The following NOTCH1 variants were observed in gnomAD, a reference collection of about 807,000 sequenced individuals.
NOTCH1 encodes notch receptor 1.
Under a neutral mutation model 254.8 loss-of-function variants are expected in NOTCH1, and 37 were observed. The observed-to-expected ratio is 0.15, with a 90% CI of 0.11 to 0.19. NOTCH1 has a LOEUF of 0.19. Ranked by LOEUF, NOTCH1 falls within the 10% of genes least tolerant of loss-of-function variation. NOTCH1 has a pLI of 1.00. For synonymous variants in NOTCH1, 1,731 were observed against 1,618.1 expected, an observed-to-expected ratio of 1.07 and a Z score of -1.68; for missense variants, 2,972 against 3,708.6, an observed-to-expected ratio of 0.80 and a Z score of 5.16.
intron 2 of NOTCH1, among the ~76,000 whole-genome samples, chr9:136,533,660 G>T (rs1023871754): frequency 6.6e-6 from 1 of 152,226 alleles, no homozygotes; most frequent in South Asian, 2.1e-4. Context: ...CCGCAGGGTC[G>T]AGGGCAGGAC....
intron 2 of NOTCH1, among the ~76,000 whole-genome samples, chr9:136,530,458 C>T (rs544467543): frequency 1.3e-5 from 2 of 152,324 alleles, no homozygotes; most frequent in South Asian, 2.1e-4. Context: ...TGCATCTGAC[C>T]GACAGAAGGC....
Position 136,513,567 on chromosome 9 carries a change from G to A in NOTCH1, c.2208-30C>T, listed in dbSNP as rs1843216887. The A allele has an allele frequency of 1.9e-6, 3 of 1,612,258 alleles. No homozygotes were observed. Among genetic ancestry groups the A allele is most frequent in the Non-Finnish European group, 2.5e-6 (3 of 1,179,786 alleles). ...AAGGGGGACCACACTGCAGGTCGAG[G>A]GAGGCCCGAGCAGCACGGCCGGGGC... On this transcript the variant is annotated intron_variant, in intron 13 of 33. Transcript: ENST00000651671. This position sits in a 1 kb window ranked among gnomAD's most constrained non-coding sequence, Gnocchi z 4.7.
chr9:136,524,263 G>A (rs925249244), intron 2 of NOTCH1, among the ~76,000 whole-genome samples: 3 of 152,264 alleles, frequency 2.0e-5, no homozygotes, highest in African/African-American at 7.2e-5. Context: ...CCGAGATCAC[G>A]CCACTGCACT....
chr9:136,502,166 C>T (rs1207364115), intron 28 of NOTCH1, 78 bp from the exon 29 acceptor site: 11 of 1,589,838 alleles, frequency 6.9e-6, no homozygotes, highest in African/African-American at 4.0e-5. Context: ...CCGGGCCTGG[C>T]GTGGGAGGTG....
chr9:136,541,167 C>T (rs1159873989), intron 2 of NOTCH1, among the ~76,000 whole-genome samples: 5 of 152,182 alleles, frequency 3.3e-5, no homozygotes, highest in African/African-American at 9.7e-5. Flanking sequence ...ATCCTCCGCC[C>T]ACCAGCATGT....
Position 136,496,696 on chromosome 9 carries a change from C to T in NOTCH1, c.7043G>A (p.Gly2348Asp), listed in dbSNP as rs1842920681. 1 of 1,612,808 alleles carries T rather than the reference C, an allele frequency of 6.2e-7. No individual in the cohort carries two copies. The highest frequency in any genetic ancestry group is 8.5e-7 in the Non-Finnish European group (1 of 1,179,954). Residue 2348 changes from glycine (G) to aspartate (D), a missense_variant, in exon 34 of 34, where the codon GGC (glycine) becomes GAC (aspartate). This residue lies in a region of NOTCH1 where 529 missense variants were observed against 529.2 expected (regional missense o/e 1.00). Coordinates refer to ENST00000651671, the MANE Select transcript of NOTCH1 (RefSeq NM_017617.5). ...QAPSLQHGMV[G>D]PLHSSLAASA... ...GGCAGCAAGGCTACTGTGCAGCGGG[C>T]CTACCATGCCATGCTGCAGGGAGGG...
rs2133372664 is a variant in NOTCH1 at position 136,519,459 on chromosome 9, G to A, written c.849C>T (p.Cys283=). ...TATACGCGCCTGTCCACTCTGGCGG[G>A]CAGCGGCAGTTGTAGGTGTTCACGC... The part of the protein sequence containing the change: ...VDGVNTYNCR[C]PPEWTGQYCT... The change falls in exon 5 of 34, where the codon TGC becomes TGT. Residue 283 remains cysteine, a synonymous_variant. Coordinates refer to ENST00000651671, the MANE Select transcript of NOTCH1 (RefSeq NM_017617.5). The A allele has an allele frequency of 6.2e-7, 1 of 1,612,902 alleles. No individual in the cohort carries two copies. Among genetic ancestry groups the A allele is most frequent in the Non-Finnish European group, 8.5e-7 (1 of 1,179,934 alleles).
chr9:136,515,673 G>C lies in NOTCH1; in HGVS notation c.1713C>G (p.Asp571Glu), dbSNP rs1017787746. 1 of 1,566,064 alleles carries C rather than the reference G, an allele frequency of 6.4e-7. No individual in the cohort carries two copies. ...AGGAGCCGTAGTGGCAGGGGTCGGGGTCGCACTCATCGATGTCCACCTCGC... is the reference window on the plus strand; with the variant it reads ...AGGAGCCGTAGTGGCAGGGGTCGGGCTCGCACTCATCGATGTCCACCTCGC... ...THCEVDIDEC[D>E]PDPCHYGSCK... Residue 571 changes from aspartate to glutamate, a missense_variant, in exon 11 of 34, where the codon GAC becomes GAG. By Grantham distance (45) the Asp-to-Glu change is conservative (BLOSUM62 2). Coordinates refer to ENST00000651671, the MANE Select transcript of NOTCH1 (RefSeq NM_017617.5).
chr9:136,497,867 G>T (rs1382775636), intron 33 of NOTCH1, among the ~76,000 whole-genome samples: 1 of 152,172 alleles, frequency 6.6e-6, no homozygotes, highest in Non-Finnish European at 1.5e-5. Context: ...CCAACTGCAG[G>T]CCCTCTTCCC....
chr9:136,503,962 T>G (rs1041146999), intron 26 of NOTCH1, among the ~76,000 whole-genome samples: 16 of 152,146 alleles, frequency 1.1e-4, no homozygotes, highest in African/African-American at 2.9e-4. Flanking sequence ...CCTTGTGGGG[T>G]GCCCCCTGCA....
chr9:136,533,495 G>T (rs746778664), intron 2 of NOTCH1, among the ~76,000 whole-genome samples: 1 of 152,234 alleles, frequency 6.6e-6, no homozygotes, highest in African/African-American at 2.4e-5. Flanking sequence ...TCTGTCCCCC[G>T]GCTGCGGGGA....
intron 2 of NOTCH1, chr9:136,543,643 G>A (rs1018277870): frequency 1.0e-5 from 4 of 401,716 alleles, no homozygotes; most frequent in African/African-American, 6.2e-5. Context: ...CCCGCCCAGA[G>A]GAGGCGCCCC....
At chr9:136,503,554 C>CCA (rs1489690555) in intron 26 of NOTCH1, among the ~76,000 whole-genome samples, 3 of 152,204 alleles carry the variant, frequency 2.0e-5, no homozygotes, top group Non-Finnish European at 4.4e-5. Flanking sequence ...TCCCAGATAC[C>CCA]CACCAACGCG....
intron 4 of NOTCH1, among the ~76,000 whole-genome samples, chr9:136,522,401 C>T (rs1209237920): frequency 1.3e-5 from 2 of 152,216 alleles, no homozygotes; most frequent in East Asian, 3.9e-4. Context: ...GGGACACGGG[C>T]AGGCGGCTGC....
At chr9:136,512,579 C>T (rs1186258135) in intron 15 of NOTCH1, among the ~76,000 whole-genome samples, 5 of 152,198 alleles carry the variant, frequency 3.3e-5, no homozygotes, top group South Asian at 4.1e-4. Context: ...CCCTCAGGTC[C>T]GGCTGGCGGG....
At chr9:136,542,544 C>CAAAAAAA (rs1174860714) in intron 2 of NOTCH1, among the ~76,000 whole-genome samples, 27 of 52,410 alleles carry the variant, frequency 5.2e-4, no homozygotes, top group Admixed American at 7.9e-4. Context: ...CCCCAAAAAG[C>CAAAAAAA]AAAAAAAAAA....
At chr9:136,544,276 C>G (rs535940547) in intron 1 of NOTCH1, among the ~76,000 whole-genome samples, 174 bp from the exon 2 acceptor site, 1 of 152,322 alleles carries the variant, frequency 6.6e-6, no homozygotes, top group African/African-American at 2.4e-5. Context: ...GCAGGAAGCC[C>G]CTCCATGAAA....
intron 11 of NOTCH1, 23 bp downstream of exon 11, chr9:136,515,460 C>A (rs367929460): frequency 7.4e-6 from 12 of 1,611,314 alleles, no homozygotes; most frequent in African/African-American, 1.3e-5. Context: ...GGCCCCCCGC[C>A]GGCCACCCGC....
Position 136,523,608 on chromosome 9 carries a change from T to C in NOTCH1, c.403+109A>G, listed in dbSNP as rs540097321. 38 of 1,412,620 alleles carry C rather than the reference T, an allele frequency of 2.7e-5. No individual in the cohort carries two copies. In the South Asian group the frequency reaches 4.9e-4, roughly 18 times the overall value. 87.5% of individuals were successfully genotyped at this position (1,412,620 alleles called of 1,614,324 possible). A position where few individuals can be genotyped will look rare whatever the true frequency, so the allele number is the denominator to read the frequency against. On this transcript the variant is annotated intron_variant, in intron 3 of 33. Transcript: ENST00000651671. Reference sequence around the variant, plus strand: ...CCCTGGGGCAGGGGCTCCCAATTACTTCCGGGTCAGAGACCCGGGCCTGGA... The same window carrying C: ...CCCTGGGGCAGGGGCTCCCAATTACCTCCGGGTCAGAGACCCGGGCCTGGA...
Sources: gnomAD v4.1 joint callset for allele counts (sites outside exome capture counted in the v4.1 genomes callset) on GRCh38, gnomAD v4.1.1 for gene constraint, gnomAD v4.1.1 regional missense constraint, Gnocchi (gnomAD v3.1) non-coding constraint, MANE v1.5 for transcripts, NCBI Gene and HGNC (gene_info 2026-07-23, HGNC 2026-07-21) for gene names.